Variants in LAMA1 observed in about 807,000 individuals in gnomAD.
LAMA1 encodes laminin subunit alpha 1, also known as laminin subunit alpha-1.
Under a neutral mutation model 348.7 loss-of-function variants are expected in LAMA1, and 219 were observed. The observed-to-expected ratio is 0.63, with a 90% CI of 0.56 to 0.70. LAMA1 has a LOEUF of 0.70. Among genes scored for constraint, LAMA1 ranks in the 30% least tolerant of loss-of-function variants. The probability of loss-of-function intolerance (pLI) is 0.00; values close to 1 mark genes in which losing one functional copy is unlikely to be tolerated. For synonymous variants in LAMA1, 1,487 were observed against 1,491.0 expected, an observed-to-expected ratio of 1.00 and a Z score of 0.06; for missense variants, 3,744 against 3,888.0, an observed-to-expected ratio of 0.96 and a Z score of 0.99.
chr18:7,058,156 C>G (rs1166748393), intron 3 of LAMA1, among the ~76,000 whole-genome samples: 3 of 152,048 alleles, frequency 2.0e-5, no homozygotes, highest in Non-Finnish European at 4.4e-5. Flanking sequence ...CTTTTGCCAG[C>G]TTTTATTCTG....
intron 44 of LAMA1, among the ~76,000 whole-genome samples, chr18:6,977,108 GAC>G (rs2057686160): frequency 6.6e-6 from 1 of 152,178 alleles, no homozygotes. Context: ...CCAATCACAT[GAC>G]GACTGCACAT....
intron 14 of LAMA1, 131 bp downstream of exon 14, chr18:7,034,348 C>T (rs866958974): frequency 1.4e-6 from 1 of 728,018 alleles, no homozygotes; most frequent in Middle Eastern, 3.5e-4. Flanking sequence ...ATTCTTAAGA[C>T]AGCCAGATCC....
chr18:7,051,929 C>G (rs1157523395), intron 3 of LAMA1, among the ~76,000 whole-genome samples: 1 of 152,170 alleles, frequency 6.6e-6, no homozygotes, highest in Non-Finnish European at 1.5e-5. Context: ...CCATACTCAG[C>G]AATCATGCTC....
intron 1 of LAMA1, among the ~76,000 whole-genome samples, chr18:7,110,462 A>C (rs1196332048): frequency 6.6e-6 from 1 of 152,206 alleles, no homozygotes; most frequent in Non-Finnish European, 1.5e-5. Flanking sequence ...CCTGAGCTGG[A>C]GATAACAAGA....
intron 3 of LAMA1, among the ~76,000 whole-genome samples, chr18:7,052,631 G>A (rs1043599561): frequency 6.6e-6 from 1 of 152,112 alleles, no homozygotes; most frequent in African/African-American, 2.4e-5. Context: ...TGAGGCTGAG[G>A]CAGGAGAATC....
Position 7,033,051 on chromosome 18 carries a change from T to G in LAMA1, c.2096A>C (p.Asp699Ala), listed in dbSNP as rs1568039309. The change falls in exon 15 of 63, where the codon GAC becomes GCC. Residue 699 changes from aspartate to alanine, a missense_variant. This residue lies in a region of LAMA1 where 1,529 missense variants were observed against 1,689.4 expected (regional missense o/e 0.91). Coordinates refer to ENST00000389658, the MANE Select transcript of LAMA1 (RefSeq NM_005559.4). ...SLDIASSNAI[D>A]LVVAADVEHC... is the part of the protein sequence containing the mutation. ...CTCCACATCAGCGGCCACCACCAGGTCGATGGCATTAGAGCTGGCTATGTC... is the reference window on the plus strand; with the variant it reads ...CTCCACATCAGCGGCCACCACCAGGGCGATGGCATTAGAGCTGGCTATGTC... 1 of 1,612,368 alleles carries G rather than the reference T, an allele frequency of 6.2e-7. No homozygotes were observed. The highest frequency in any genetic ancestry group is 1.6e-4 in the Middle Eastern group (1 of 6,062).
intron 3 of LAMA1, among the ~76,000 whole-genome samples, chr18:7,065,250 A>AAAAAAC (rs1467543523): frequency 5.3e-5 from 8 of 149,962 alleles, no homozygotes; most frequent in African/African-American, 2.0e-4. Context: ...AAAAAAAAAA[A>AAAAAAC]AAACAACGAC....
chr18:7,080,553 A>T, intron 1 of LAMA1, 96 bp from the exon 2 acceptor site: 1 of 1,249,744 alleles, frequency 8.0e-7, no homozygotes. Context: ...AAGGAGATTG[A>T]AAGTCTATGT....
Position 7,103,390 on chromosome 18 carries a change from G to A in LAMA1, c.61+14270C>T, listed in dbSNP as rs141150126. The stretch of plus-strand genomic sequence containing the variant: ...ACTGCACTCCAGCCTGGGTGACAGA[G>A]CGAGACTCCATCTCAAAAATAAAAA... On this transcript the variant is annotated intron_variant, in intron 1 of 62. Transcript: ENST00000389658. Among the ~76,000 whole-genome samples the A allele has an allele frequency of 8.5e-3, 1,300 of 152,080 alleles. 27 individuals are homozygous for A. The highest frequency in any genetic ancestry group is 0.03 in the African/African-American group (1,240 of 41,496).
chr18:7,024,352 T>C, intron 18 of LAMA1, 28 bp downstream of exon 18: 2 of 1,579,608 alleles, frequency 1.3e-6, no homozygotes, highest in Non-Finnish European at 1.7e-6. Flanking sequence ...ATTTCGAAAA[T>C]GTGTTGAAGC....
At chr18:6,954,944 G>T (rs868771769) in intron 57 of LAMA1, 1 of 324,170 alleles carries the variant, frequency 3.1e-6, no homozygotes, top group Admixed American at 4.5e-5. Flanking sequence ...GTGCAGAGAG[G>T]GGTGGGTGTG....
At chr18:7,105,684 C>T (rs1335749648) in intron 1 of LAMA1, among the ~76,000 whole-genome samples, 1 of 152,092 alleles carries the variant, frequency 6.6e-6, no homozygotes, top group Non-Finnish European at 1.5e-5. Context: ...CAGAATAATG[C>T]CTGAATATGG....
chr18:7,015,649 A>G, intron 22 of LAMA1, 73 bp downstream of exon 22: 1 of 1,560,940 alleles, frequency 6.4e-7, no homozygotes, highest in South Asian at 1.1e-5. Flanking sequence ...GAAAATATAT[A>G]GAAGAACAGG....
intron 19 of LAMA1, among the ~76,000 whole-genome samples, chr18:7,022,832 A>C (rs1242031045): frequency 3.9e-5 from 6 of 152,106 alleles, no homozygotes; most frequent in African/African-American, 1.2e-4. Context: ...CTCCCTTACG[A>C]ATGTGACAGG....
intron 3 of LAMA1, among the ~76,000 whole-genome samples, chr18:7,069,691 T>A (rs1038592353): frequency 2.6e-5 from 4 of 152,116 alleles, no homozygotes; most frequent in African/African-American, 9.7e-5. Flanking sequence ...CAGGCACCCA[T>A]GTGGAAAGAC....
At chr18:7,063,730 C>T (rs563469582) in intron 3 of LAMA1, among the ~76,000 whole-genome samples, 36 of 152,240 alleles carry the variant, frequency 2.4e-4, no homozygotes, top group South Asian at 1.9e-3. Flanking sequence ...ACATTATGTA[C>T]GCTAAGTGAA....
chr18:6,972,212 TAGGG>T (rs1399068359), intron 47 of LAMA1: 1 of 502,672 alleles, frequency 2.0e-6, no homozygotes, highest in African/African-American at 1.9e-5. Flanking sequence ...TCTCAGTGAC[TAGGG>T]TTGATGGAGA....
chr18:7,007,172 A>G lies in LAMA1; in HGVS notation c.4227T>C (p.Ser1409=). 9 of 1,614,156 alleles carry G rather than the reference A, an allele frequency of 5.6e-6. No individual in the cohort carries two copies. The highest frequency in any genetic ancestry group is 4.4e-5 in the South Asian group (4 of 91,072). The change falls in exon 29 of 63, where the codon AGT becomes AGC. Residue 1409 remains serine (S), a synonymous_variant. Transcript: ENST00000389658. The part of the protein sequence containing the change: ...PCVPCSCNNH[S]DTCDPNTGKC... Reference sequence around the variant, plus strand: ...TCCCGGTGTTGGGGTCACAGGTGTCACTGTGGTTGTTGCAACTGCAGGGAA... The same window carrying G: ...TCCCGGTGTTGGGGTCACAGGTGTCGCTGTGGTTGTTGCAACTGCAGGGAA...
At chr18:7,109,457 G>A (rs1361329188) in intron 1 of LAMA1, among the ~76,000 whole-genome samples, 1 of 152,186 alleles carries the variant, frequency 6.6e-6, no homozygotes, top group African/African-American at 2.4e-5. Context: ...TGGCTGGGTG[G>A]GAACTCCAAT....
Sources: gnomAD v4.1 joint callset for allele counts (sites outside exome capture counted in the v4.1 genomes callset) on GRCh38, gnomAD v4.1.1 for gene constraint, gnomAD v4.1.1 regional missense constraint, MANE v1.5 for transcripts, NCBI Gene and HGNC (gene_info 2026-07-23, HGNC 2026-07-21) for gene names.